BCL2: variants seen among roughly 807,000 people sequenced by gnomAD.
The protein encoded by BCL2 is apoptosis regulator Bcl-2.
Under a neutral mutation model 14.2 loss-of-function variants are expected in BCL2, and 1 was observed. That is an observed-to-expected ratio of 0.07 (90% CI 0.02 to 0.33). The LOEUF (loss-of-function observed/expected upper bound fraction) is 0.33. BCL2 is among the 10% of genes least tolerant of loss of function. The probability of loss-of-function intolerance (pLI) is 0.99; values close to 1 mark genes in which losing one functional copy is unlikely to be tolerated. For missense variants in BCL2, 247 were observed against 305.9 expected (o/e 0.81, Z 1.44); for synonymous variants, 151 against 137.2 (o/e 1.10, Z -0.70).
At position 63,203,646 on chromosome 18, in the gene BCL2, A is replaced by C. The variant is rs191091346; in HGVS notation, c.586-74887T>G. On this transcript the variant is annotated intron_variant, in intron 2 of 2. Coordinates refer to ENST00000333681, the MANE Select transcript of BCL2 (RefSeq NM_000633.3). ...CTTGTTAGTTGGGGCAAGTTAGGTA[A>C]CTTCTCTAAGCCTTTAAATACATTC... 7.9e-5 allele frequency among the ~76,000 whole-genome samples: 12 copies of C among 152,252 alleles called. No homozygotes were observed. In the East Asian group the frequency reaches 1.9e-3, roughly 24 times the overall value.
rs575886605 is a variant in BCL2 at position 63,212,213 on chromosome 18, C to T, written c.586-83454G>A. Among the ~76,000 whole-genome samples, 186 of 151,496 alleles carry T rather than the reference C, an allele frequency of 1.2e-3. 7 individuals are homozygous for T. Among genetic ancestry groups the T allele is most frequent in the South Asian group, 0.012 (56 of 4,792 alleles). On this transcript the variant is annotated intron_variant, in intron 2 of 2. Transcript: ENST00000333681. ...TGGTGGCGGGCGCCTGTAGTCCCAG[C>T]TACTCGGGAGGCTGAGGCGAGACAG... is the stretch of plus-strand genomic sequence containing the variant.
intron 2 of BCL2, among the ~76,000 whole-genome samples, chr18:63,165,805 G>T (rs1325151695): frequency 6.6e-6 from 1 of 152,184 alleles, no homozygotes; most frequent in Non-Finnish European, 1.5e-5. Context: ...GGGGAGGGGG[G>T]TGGAATCTAA....
intron 2 of BCL2, among the ~76,000 whole-genome samples, chr18:63,192,936 C>G (rs753966615): frequency 2.0e-5 from 3 of 152,130 alleles, no homozygotes; most frequent in Non-Finnish European, 4.4e-5. Context: ...ATCAAGGAAA[C>G]AAGGGTAATC....
At chr18:63,154,726 T>C (rs1038787384) in intron 2 of BCL2, among the ~76,000 whole-genome samples, 17 of 152,146 alleles carry the variant, frequency 1.1e-4, no homozygotes, top group Non-Finnish European at 2.9e-5. Context: ...CCCTCAAGGC[T>C]CACCAGTGAA....
intron 2 of BCL2, among the ~76,000 whole-genome samples, chr18:63,200,456 C>CA (rs879358228): frequency 2.0e-5 from 3 of 152,236 alleles, no homozygotes; most frequent in Admixed American, 2.0e-4. Flanking sequence ...AGATTCTAGA[C>CA]ACTCTTTTGT....
Position 63,290,624 on chromosome 18 carries a change from G to A in BCL2, c.585+27458C>T, listed in dbSNP as rs147248820. Among the ~76,000 whole-genome samples the A allele has an allele frequency of 2.8e-4, 42 of 152,286 alleles. 2 individuals are homozygous for A. The East Asian group carries it at 7.7e-3, about 28-fold the overall frequency. ...GACAAAGCTCAGGATAAATGCCATGGCAGGAATTTCACTTGAATGAGATAG... is the reference window on the plus strand; with the variant it reads ...GACAAAGCTCAGGATAAATGCCATGACAGGAATTTCACTTGAATGAGATAG... On this transcript the variant is annotated intron_variant, in intron 2 of 2. Coordinates refer to ENST00000333681, the MANE Select transcript of BCL2 (RefSeq NM_000633.3).
In BCL2 at chr18:63,128,675, C is replaced by A. The variant is rs2144584284; in HGVS notation, c.670G>T (p.Ala224Ser). 1 of 781,036 alleles carries A rather than the reference C, an allele frequency of 1.3e-6. No individual in the cohort carries two copies. Among genetic ancestry groups the A allele is most frequent in the African/African-American group, 1.7e-5 (1 of 59,250 alleles). The allele number at this position is 781,036 out of a possible 1,614,324, so 48.4% of individuals were successfully genotyped here. ...WLSLKTLLSLALVGACITLGA... is the reference protein window; with the variant it reads ...WLSLKTLLSLSLVGACITLGA... ...AGGGTGATGCAAGCTCCCACCAGGGCCAAACTGAGCAGAGTCTTCAGAGAC... is the reference window on the plus strand; with the variant it reads ...AGGGTGATGCAAGCTCCCACCAGGGACAAACTGAGCAGAGTCTTCAGAGAC... The change falls in exon 3 of 3, where the codon GCC becomes TCC. Residue 224 changes from alanine (A) to serine (S), a missense_variant. Coordinates refer to ENST00000333681, the MANE Select transcript of BCL2 (RefSeq NM_000633.3).
chr18:63,318,898 G>A lies in BCL2; in HGVS notation c.-232C>T. The A allele has an allele frequency of 1.4e-6, 2 of 1,412,450 alleles. No homozygotes were observed. Among genetic ancestry groups the A allele is most frequent in the South Asian group, 3.1e-5 (2 of 64,166 alleles). The allele number at this position is 1,412,450 out of a possible 1,614,324, so 87.5% of individuals were successfully genotyped here. A position where few individuals can be genotyped will look rare whatever the true frequency, so the allele number is the denominator to read the frequency against. ...AATTCCTTTCGGATCTTTATTTCATGAGGCACGTTATTATTAGTAAGTATT... is the reference window on the plus strand; with the variant it reads ...AATTCCTTTCGGATCTTTATTTCATAAGGCACGTTATTATTAGTAAGTATT... On this transcript the variant is annotated 5_prime_UTR_variant, in exon 2 of 3. Coordinates refer to ENST00000333681, the MANE Select transcript of BCL2 (RefSeq NM_000633.3). This position sits in a 1 kb window ranked among gnomAD's most constrained non-coding sequence, Gnocchi z 7.4.
At position 63,143,872 on chromosome 18, in the gene BCL2, T is replaced by C. The variant is rs530092877; in HGVS notation, c.586-15113A>G. On this transcript the variant is annotated intron_variant, in intron 2 of 2. Transcript: ENST00000333681. ...ACCGCCTGAGTTGCACACAGCATTG[T>C]GCAGAGTGCTGCAGGGGAGATAGTG... 3.3e-5 allele frequency among the ~76,000 whole-genome samples: 5 copies of C among 152,350 alleles called. No homozygotes were observed. The South Asian group carries it at 1.0e-3, about 32-fold the overall frequency.
intron 2 of BCL2, among the ~76,000 whole-genome samples, chr18:63,183,559 G>A (rs1915525559): frequency 6.6e-6 from 1 of 152,102 alleles, no homozygotes; most frequent in Admixed American, 6.5e-5. Flanking sequence ...TACCTCAGAG[G>A]GCCAAAGCAG....
intron 2 of BCL2, among the ~76,000 whole-genome samples, chr18:63,130,345 C>T (rs1021086369): frequency 6.6e-6 from 1 of 152,200 alleles, no homozygotes; most frequent in African/African-American, 2.4e-5. Flanking sequence ...TTGGGAGGGG[C>T]TCCAACAGTG....
intron 2 of BCL2, among the ~76,000 whole-genome samples, chr18:63,254,939 G>A (rs995312286): frequency 6.6e-6 from 1 of 152,188 alleles, no homozygotes; most frequent in Middle Eastern, 3.2e-3. Flanking sequence ...AAATGTAGAG[G>A]AGAAAGAATG....
chr18:63,173,775 GT>G (rs1194106837), intron 2 of BCL2, among the ~76,000 whole-genome samples: 1 of 152,176 alleles, frequency 6.6e-6, no homozygotes, highest in Non-Finnish European at 1.5e-5. Context: ...CTTCTTGTTT[GT>G]ATCAGACTTC....
intron 2 of BCL2, among the ~76,000 whole-genome samples, chr18:63,212,231 C>T (rs1037372430): frequency 9.9e-5 from 15 of 151,242 alleles, no homozygotes; most frequent in East Asian, 7.8e-4. Context: ...GAGGCTGAGG[C>T]GAGACAGAAT....
intron 2 of BCL2, among the ~76,000 whole-genome samples, chr18:63,265,993 T>C (rs1439034826): frequency 6.6e-6 from 1 of 152,158 alleles, no homozygotes; most frequent in East Asian, 1.9e-4. Flanking sequence ...ACATCCGTTA[T>C]GAGGGACAAT....
At chr18:63,237,421 T>C (rs1021812672) in intron 2 of BCL2, among the ~76,000 whole-genome samples, 1 of 152,196 alleles carries the variant, frequency 6.6e-6, no homozygotes, top group Non-Finnish European at 1.5e-5. Context: ...AAAAATGCGA[T>C]ACAAGATCGC....
intron 2 of BCL2, among the ~76,000 whole-genome samples, chr18:63,264,051 T>C (rs936083092): frequency 1.3e-5 from 2 of 152,194 alleles, no homozygotes; most frequent in African/African-American, 4.8e-5. Flanking sequence ...ATTACAGGCG[T>C]GAGCCACCAC....
chr18:63,212,200 C>A (rs1476717891), intron 2 of BCL2, among the ~76,000 whole-genome samples: 3 of 151,356 alleles, frequency 2.0e-5, no homozygotes, highest in African/African-American at 7.3e-5. Context: ...GTGGCGGGCG[C>A]CTGTAGTCCC....
chr18:63,271,999 T>C (rs1414662216), intron 2 of BCL2, among the ~76,000 whole-genome samples: 1 of 152,198 alleles, frequency 6.6e-6, no homozygotes, highest in African/African-American at 2.4e-5. Flanking sequence ...TGGGGAAGCA[T>C]AGCACCACTT....
Sources: gnomAD v4.1 joint callset for allele counts (sites outside exome capture counted in the v4.1 genomes callset) on GRCh38, gnomAD v4.1.1 for gene constraint, Gnocchi (gnomAD v3.1) non-coding constraint, MANE v1.5 for transcripts, NCBI Gene and HGNC (gene_info 2026-07-23, HGNC 2026-07-21) for gene names.